Variants in MECOM observed in about 807,000 individuals in gnomAD.
MECOM encodes the protein histone-lysine N-methyltransferase MECOM.
In MECOM, 13 loss-of-function variants were observed where a neutral mutation model predicts 116.3. That is an observed-to-expected ratio of 0.11 (90% confidence interval 0.07 to 0.18). The LOEUF (loss-of-function observed/expected upper bound fraction) is 0.18. MECOM is among the 10% of genes least tolerant of loss of function. The pLI is 1.00. For missense variants in MECOM, 1,299 were observed against 1,509.0 expected, an observed-to-expected ratio of 0.86 and a Z score of 2.31; for synonymous variants, 528 against 535.2, an observed-to-expected ratio of 0.99 and a Z score of 0.19.
intron 1 of MECOM, among the ~76,000 whole-genome samples, chr3:169,598,020 T>C (rs1767342179): frequency 1.3e-5 from 2 of 152,156 alleles, no homozygotes; most frequent in South Asian, 4.1e-4. Flanking sequence ...GTCCAAGCTT[T>C]TGCCCCTACA....
At chr3:169,240,196 C>A (rs1320583182) in intron 2 of MECOM, among the ~76,000 whole-genome samples, 2 of 152,158 alleles carry the variant, frequency 1.3e-5, no homozygotes, top group African/African-American at 4.8e-5. Context: ...GTGATTGCTT[C>A]TTTGACCCCC....
intron 1 of MECOM, among the ~76,000 whole-genome samples, chr3:169,635,297 A>G (rs1772595525): frequency 6.6e-6 from 1 of 152,248 alleles, no homozygotes; most frequent in Admixed American, 6.5e-5. Context: ...AACAGTGCCT[A>G]TGAGCTTTAT....
At chr3:169,568,542 T>C (rs1340703538) in intron 1 of MECOM, among the ~76,000 whole-genome samples, 1 of 152,086 alleles carries the variant, frequency 6.6e-6, no homozygotes, top group African/African-American at 2.4e-5. Context: ...GGGAGGGGCA[T>C]CCACCATTAC....
chr3:169,281,991 A>C (rs1180980417), intron 2 of MECOM, among the ~76,000 whole-genome samples: 1 of 152,180 alleles, frequency 6.6e-6, no homozygotes. Flanking sequence ...CACAAAACCT[A>C]CATCCTCCTC....
intron 2 of MECOM, among the ~76,000 whole-genome samples, chr3:169,153,382 C>A (rs975048571): frequency 1.3e-5 from 2 of 152,106 alleles, no homozygotes; most frequent in African/African-American, 4.8e-5. Context: ...GAAAAATTTA[C>A]TATTATCTTT....
At chr3:169,426,490 A>T (rs971643251) in intron 1 of MECOM, among the ~76,000 whole-genome samples, 41 of 152,178 alleles carry the variant, frequency 2.7e-4, no homozygotes, top group African/African-American at 9.9e-4. Flanking sequence ...TGCTCATAGG[A>T]GACACCTGGA....
At chr3:169,650,517 A>G (rs7622425) in intron 1 of MECOM, among the ~76,000 whole-genome samples, 35,608 of 152,048 alleles carry the variant, frequency 0.23, 8,322 homozygotes, top group African/African-American at 0.61. Context: ...AGGAAGAAAT[A>G]GAAATGGGGC....
In MECOM at chr3:169,301,294, T is replaced by C. The variant is rs557300088; in HGVS notation, c.375+79893A>G. Among the ~76,000 whole-genome samples the C allele has an allele frequency of 1.8e-4, 27 of 152,326 alleles. No individual in the cohort carries two copies. The South Asian group carries it at 5.4e-3, about 30-fold the overall frequency. ...CTCCTTCTTAAAGTTGACAAAGTGA[T>C]TATAGAAATACAGAGATCTGAATAG... On this transcript the variant is annotated intron_variant, in intron 2 of 16. Coordinates refer to ENST00000651503, the MANE Select transcript of MECOM (RefSeq NM_004991.4).
chr3:169,147,754 A>G (rs748148370), intron 2 of MECOM: 3 of 873,640 alleles, frequency 3.4e-6, no homozygotes, highest in African/African-American at 3.8e-5. Context: ...GTGTGTGTGC[A>G]TGTGTGTGTG....
At chr3:169,524,278 C>T (rs1414313659) in intron 1 of MECOM, among the ~76,000 whole-genome samples, 1 of 152,052 alleles carries the variant, frequency 6.6e-6, no homozygotes, top group African/African-American at 2.4e-5. Context: ...CTTTAATCCT[C>T]ACTTTACAAG....
chr3:169,126,615 G>A (rs1392341285), intron 5 of MECOM, among the ~76,000 whole-genome samples: 2 of 151,988 alleles, frequency 1.3e-5, no homozygotes. Context: ...TCGGTAAAAT[G>A]TTTACTCTCT....
At chr3:169,343,122 C>T (rs1724820211) in intron 2 of MECOM, among the ~76,000 whole-genome samples, 1 of 152,070 alleles carries the variant, frequency 6.6e-6, no homozygotes, top group Non-Finnish European at 1.5e-5. Flanking sequence ...GTTCTGTAAC[C>T]TTTTCTCAGA....
At position 169,254,218 on chromosome 3, in the gene MECOM, T is replaced by C. The variant is rs138644413; in HGVS notation, c.376-110386A>G. Among the ~76,000 whole-genome samples, 1,055 of 152,202 alleles carry C rather than the reference T, an allele frequency of 6.9e-3. 7 individuals are homozygous for C. Among genetic ancestry groups the C allele is most frequent in the African/African-American group, 0.024 (994 of 41,546 alleles). Reference sequence around the variant, plus strand: ...GAAGCAAAATAAAGGTTGAAATCTATGTCGTAGGGAGTCAGTCTAGCACAT... The same window carrying C: ...GAAGCAAAATAAAGGTTGAAATCTACGTCGTAGGGAGTCAGTCTAGCACAT... On this transcript the variant is annotated intron_variant, in intron 2 of 16. Transcript: ENST00000651503.
At chr3:169,199,047 G>T (rs376507001) in intron 2 of MECOM, among the ~76,000 whole-genome samples, 20 of 152,054 alleles carry the variant, frequency 1.3e-4, no homozygotes, top group South Asian at 8.3e-4. Context: ...AGCCACTCAT[G>T]TGTCCCCAAT....
chr3:169,268,813 A>T (rs145575090), intron 2 of MECOM, among the ~76,000 whole-genome samples: 1 of 152,210 alleles, frequency 6.6e-6, no homozygotes, highest in African/African-American at 2.4e-5. Context: ...TATTGACTGC[A>T]TAATTGGCCT....
intron 1 of MECOM, among the ~76,000 whole-genome samples, chr3:169,497,369 G>A (rs1309716426): frequency 6.7e-6 from 1 of 149,126 alleles, no homozygotes; most frequent in African/African-American, 2.5e-5. Context: ...CTTTTGAGAT[G>A]GAGTCTTACT....
chr3:169,130,718 T>G (rs1033954712), intron 4 of MECOM, among the ~76,000 whole-genome samples: 1 of 151,968 alleles, frequency 6.6e-6, no homozygotes, highest in African/African-American at 2.4e-5. Flanking sequence ...TACAAAATAT[T>G]CTAAAGATGC....
intron 1 of MECOM, among the ~76,000 whole-genome samples, chr3:169,490,593 G>A (rs1178833108): frequency 6.6e-6 from 1 of 152,124 alleles, no homozygotes; most frequent in Non-Finnish European, 1.5e-5. Context: ...AAAGCAAGTT[G>A]AAGAATGATA....
At chr3:169,175,356 C>T (rs1744993359) in intron 2 of MECOM, among the ~76,000 whole-genome samples, 1 of 152,126 alleles carries the variant, frequency 6.6e-6, no homozygotes, top group African/African-American at 2.4e-5. Context: ...GTGGCTAAAA[C>T]AGTGATACCT....
Sources: allele counts gnomAD v4.1 joint callset (sites outside exome capture counted in the v4.1 genomes callset), GRCh38; gene constraint gnomAD v4.1.1; transcripts MANE v1.5; gene names NCBI Gene and HGNC (gene_info 2026-07-23, HGNC 2026-07-21).